The following BRINP3 variants were observed in gnomAD, a reference collection of about 807,000 sequenced individuals.
BRINP3 encodes the protein BMP/retinoic acid inducible neural specific 3.
A neutral mutation model predicts 71.0 loss-of-function variants in BRINP3; 19 were observed. The observed-to-expected ratio is 0.27, with a 90% CI of 0.19 to 0.39. The LOEUF (loss-of-function observed/expected upper bound fraction) is 0.39. Ranked by LOEUF, BRINP3 falls within the 10% of genes least tolerant of loss-of-function variation. The pLI, the probability that BRINP3 is intolerant of heterozygous loss-of-function variation, is 1.00. For missense variants in BRINP3, 959 were observed against 940.8 expected (o/e 1.02, Z -0.25); for synonymous variants, 380 against 337.7 (o/e 1.13, Z -1.37).
intron 2 of BRINP3, among the ~76,000 whole-genome samples, chr1:190,352,061 T>A (rs1158564760): frequency 6.6e-6 from 1 of 151,840 alleles, no homozygotes; most frequent in African/African-American, 2.4e-5. Context: ...ATATACCCAA[T>A]AATAAAAATA....
intron 6 of BRINP3, among the ~76,000 whole-genome samples, chr1:190,223,441 G>A (rs1657062290): frequency 6.6e-6 from 1 of 151,824 alleles, no homozygotes; most frequent in South Asian, 2.1e-4. Context: ...TGCCAAAAAA[G>A]CACTTGATAA....
At chr1:190,262,945 C>T (rs1661319703) in intron 4 of BRINP3, among the ~76,000 whole-genome samples, 1 of 151,892 alleles carries the variant, frequency 6.6e-6, no homozygotes, top group Non-Finnish European at 1.5e-5. Flanking sequence ...GTGCCACATA[C>T]TTCTCCTGTG....
intron 6 of BRINP3, among the ~76,000 whole-genome samples, chr1:190,165,165 T>C (rs893797177): frequency 2.6e-5 from 4 of 152,014 alleles, no homozygotes; most frequent in Middle Eastern, 3.2e-3. Context: ...CTGATATATA[T>C]ATAAAGAATC....
rs151240556 is a variant in BRINP3 at position 190,403,026 on chromosome 1, C to T, written c.236+51629G>A. 6.5e-3 allele frequency among the ~76,000 whole-genome samples: 982 copies of T among 152,184 alleles called. 5 individuals are homozygous for T. The highest frequency in any genetic ancestry group is 0.012 in the Admixed American group (180 of 15,290). On this transcript the variant is annotated intron_variant, in intron 2 of 7. Coordinates refer to ENST00000367462, the MANE Select transcript of BRINP3 (RefSeq NM_199051.3). ...ACAGGAATGAGCTACCTATCTTGTC[C>T]GGCAAAACTTCTGGTTTAAAAAAGG...
chr1:190,474,873 C>G (rs1677397208), intron 1 of BRINP3: 1 of 152,212 alleles, frequency 6.6e-6, no homozygotes, highest in Non-Finnish European at 1.5e-5. Flanking sequence ...ACCACCCCCT[C>G]TCCGGTGGAC....
chr1:190,111,166 C>T (rs1363518307), intron 7 of BRINP3, among the ~76,000 whole-genome samples: 1 of 95,210 alleles, frequency 1.1e-5, no homozygotes, highest in African/African-American at 4.3e-5. Flanking sequence ...GCCTGGGCGA[C>T]AGAGCAAGAC....
intron 2 of BRINP3, among the ~76,000 whole-genome samples, chr1:190,304,494 T>C (rs1664957753): frequency 6.6e-6 from 1 of 151,854 alleles, no homozygotes; most frequent in African/African-American, 2.4e-5. Flanking sequence ...AGCCAACTGA[T>C]TTTTAACAAA....
intron 7 of BRINP3, among the ~76,000 whole-genome samples, chr1:190,102,934 A>G (rs1571701382): frequency 6.6e-6 from 1 of 152,230 alleles, no homozygotes; most frequent in East Asian, 1.9e-4. Flanking sequence ...ATTAATGTTT[A>G]TACCACTGAG....
In BRINP3 at chr1:190,469,783, T is replaced by C. The variant is rs559293784; in HGVS notation, c.-51+7665A>G. The stretch of plus-strand genomic sequence containing the variant: ...CATTAAATTGAATATTTAAAAGCAG[T>C]TACAAAAAATTTGTCTTAAAAATAT... On this transcript the variant is annotated intron_variant, in intron 1 of 7. Transcript: ENST00000367462. Among the ~76,000 whole-genome samples the C allele has an allele frequency of 2.6e-5, 4 of 151,120 alleles. No homozygotes were observed. In the East Asian group the frequency reaches 7.7e-4, roughly 29 times the overall value.
intron 2 of BRINP3, among the ~76,000 whole-genome samples, chr1:190,425,464 T>C (rs1673642067): frequency 6.6e-6 from 1 of 151,768 alleles, no homozygotes; most frequent in Non-Finnish European, 1.5e-5. Context: ...GCCAATTTAT[T>C]TCAACAATGG....
intron 2 of BRINP3, among the ~76,000 whole-genome samples, chr1:190,404,733 G>C (rs1672149522): frequency 6.6e-6 from 1 of 152,140 alleles, no homozygotes; most frequent in Non-Finnish European, 1.5e-5. Flanking sequence ...TTAAGGCTCA[G>C]AAAGATTAAG....
intron 2 of BRINP3, among the ~76,000 whole-genome samples, chr1:190,360,452 G>A (rs1409737785): frequency 6.6e-6 from 1 of 152,158 alleles, no homozygotes; most frequent in Non-Finnish European, 1.5e-5. Context: ...AACAAAACAA[G>A]ACTGAGGTGT....
At chr1:190,263,870 G>A (rs748129480) in intron 4 of BRINP3, among the ~76,000 whole-genome samples, 1 of 152,106 alleles carries the variant, frequency 6.6e-6, no homozygotes, top group Non-Finnish European at 1.5e-5. Context: ...TAACAGGCCT[G>A]AGCCACCGTG....
chr1:190,410,468 A>G (rs1332381221), intron 2 of BRINP3, among the ~76,000 whole-genome samples: 1 of 152,162 alleles, frequency 6.6e-6, no homozygotes, highest in Non-Finnish European at 1.5e-5. Context: ...TTTGGATATT[A>G]GAAGACAGTC....
At chr1:190,307,273 T>G (rs112015427) in intron 2 of BRINP3, among the ~76,000 whole-genome samples, 23 of 126,374 alleles carry the variant, frequency 1.8e-4, no homozygotes, top group Admixed American at 3.2e-4. Flanking sequence ...TTTTTTTTTT[T>G]TTTTTTTTTT....
At chr1:190,104,574 T>C (rs905941150) in intron 7 of BRINP3, among the ~76,000 whole-genome samples, 1 of 152,098 alleles carries the variant, frequency 6.6e-6, no homozygotes, top group African/African-American at 2.4e-5. Flanking sequence ...AGTATTACAC[T>C]ATATACCTGT....
chr1:190,322,906 G>A (rs1042587884), intron 2 of BRINP3, among the ~76,000 whole-genome samples: 1 of 151,694 alleles, frequency 6.6e-6, no homozygotes, highest in African/African-American at 2.4e-5. Context: ...TAATTATCTC[G>A]TTTAATTTGA....
At chr1:190,364,697 T>C (rs1669372190) in intron 2 of BRINP3, among the ~76,000 whole-genome samples, 1 of 152,090 alleles carries the variant, frequency 6.6e-6, no homozygotes, top group Admixed American at 6.6e-5. Flanking sequence ...CTAAGACATC[T>C]TGAGTAATCT....
At chr1:190,106,684 T>C (rs777226952) in intron 7 of BRINP3, among the ~76,000 whole-genome samples, 3 of 151,596 alleles carry the variant, frequency 2.0e-5, no homozygotes, top group African/African-American at 2.4e-5. Context: ...TTATTTTTTA[T>C]TATACTTTAA....
Sources: allele counts gnomAD v4.1 joint callset (sites outside exome capture counted in the v4.1 genomes callset), GRCh38; gene constraint gnomAD v4.1.1; transcripts MANE v1.5; gene names NCBI Gene and HGNC (gene_info 2026-07-23, HGNC 2026-07-21).